The following CNTN5 variants were observed in gnomAD, a reference collection of about 807,000 sequenced individuals.
CNTN5 encodes contactin 5.
CNTN5 carries 77 observed loss-of-function variants against 129.1 expected under a neutral mutation model. The ratio of observed to expected loss-of-function variants is 0.60; its 90% CI spans 0.50 to 0.72. The LOEUF (loss-of-function observed/expected upper bound fraction) is 0.72, where lower values mean the gene tolerates loss of function less well. Ranked by LOEUF, CNTN5 falls within the 30% of genes least tolerant of loss-of-function variation. CNTN5 has a pLI of 0.00. For synonymous variants in CNTN5, 509 were observed against 465.6 expected (o/e 1.09, Z -1.20); for missense variants, 1,478 against 1,328.8 (o/e 1.11, Z -1.75).
rs74779608 is a variant in CNTN5, at chr11:99,170,222, A to T, written c.-210+148952A>T. Among the ~76,000 whole-genome samples the T allele has an allele frequency of 1.2e-3, 190 of 152,248 alleles. 6 individuals carry two copies. The East Asian group carries it at 0.036, about 29-fold the overall frequency. On this transcript the variant is annotated intron_variant, in intron 1 of 24. Coordinates refer to ENST00000524871, the MANE Select transcript of CNTN5 (RefSeq NM_014361.4). ...ACTGCTCTAAGTGTTTCAGTAACTC[A>T]CTTCATTCTGTCAGCAATCCTATGA...
Position 99,600,168 on chromosome 11 carries a change from T to G in CNTN5, c.55+43899T>G, listed in dbSNP as rs182436438. Reference sequence around the variant, plus strand: ...TGATGGACACCCTGAGTACCCTGATTTTTTAATCACTATGCATTTTATACC... The same window carrying G: ...TGATGGACACCCTGAGTACCCTGATGTTTTAATCACTATGCATTTTATACC... On this transcript the variant is annotated intron_variant, in intron 3 of 24. Transcript: ENST00000524871. Among the ~76,000 whole-genome samples, 455 of 152,254 alleles carry G rather than the reference T, an allele frequency of 3.0e-3. 2 individuals carry two copies. Among genetic ancestry groups the G allele is most frequent in the African/African-American group, 9.5e-3 (396 of 41,546 alleles).
chr11:99,473,903 C>T (rs957032460), intron 2 of CNTN5, among the ~76,000 whole-genome samples: 1 of 151,940 alleles, frequency 6.6e-6, no homozygotes, highest in African/African-American at 2.4e-5. Flanking sequence ...ATCAGCTTGC[C>T]ACACTGGCTA....
chr11:99,790,761 AT>A (rs1945712438), intron 3 of CNTN5, among the ~76,000 whole-genome samples: 1 of 152,118 alleles, frequency 6.6e-6, no homozygotes, highest in Non-Finnish European at 1.5e-5. Context: ...AGTTTTCACA[AT>A]GCTGAACTAA....
chr11:100,330,186 CT>C (rs1050464811), intron 21 of CNTN5, among the ~76,000 whole-genome samples: 3 of 152,266 alleles, frequency 2.0e-5, no homozygotes, highest in African/African-American at 7.2e-5. Context: ...GCAAAATGCA[CT>C]GGAAAATCTC....
chr11:99,638,260 G>GT, intron 3 of CNTN5, among the ~76,000 whole-genome samples: 1 of 152,068 alleles, frequency 6.6e-6, no homozygotes, highest in Non-Finnish European at 1.5e-5. Context: ...ACTAGCACGG[G>GT]AAAGACCAGC....
intron 1 of CNTN5, among the ~76,000 whole-genome samples, chr11:99,157,777 G>T (rs567707635): frequency 1.3e-5 from 2 of 152,034 alleles, no homozygotes; most frequent in Non-Finnish European, 2.9e-5. Flanking sequence ...CCTATTACCT[G>T]TTCTAAACAT....
At chr11:99,259,598 A>G (rs75059861) in intron 1 of CNTN5, among the ~76,000 whole-genome samples, 2,594 of 151,828 alleles carry the variant, frequency 0.017, 88 homozygotes, top group African/African-American at 0.06. Context: ...GAACTACAGT[A>G]ATTTTATTTG....
At chr11:99,821,563 C>T (rs180851024) in intron 4 of CNTN5, among the ~76,000 whole-genome samples, 15 of 151,744 alleles carry the variant, frequency 9.9e-5, no homozygotes, top group African/African-American at 3.1e-4. Flanking sequence ...GTTTATTATT[C>T]GATATAATGG....
At chr11:100,349,491 A>G (rs1189457432) in intron 23 of CNTN5, among the ~76,000 whole-genome samples, 2 of 151,820 alleles carry the variant, frequency 1.3e-5, no homozygotes, top group Non-Finnish European at 2.9e-5. Context: ...TTACTCCCCT[A>G]AAACACTAAA....
intron 21 of CNTN5, among the ~76,000 whole-genome samples, chr11:100,327,500 T>C (rs1363795672): frequency 6.6e-6 from 1 of 152,198 alleles, no homozygotes; most frequent in Non-Finnish European, 1.5e-5. Context: ...GACCAGCCCC[T>C]GCCCACGGAG....
At chr11:99,635,401 A>G (rs1403429314) in intron 3 of CNTN5, among the ~76,000 whole-genome samples, 1 of 152,134 alleles carries the variant, frequency 6.6e-6, no homozygotes, top group African/African-American at 2.4e-5. Flanking sequence ...TTAAAATTAG[A>G]GATTACATAT....
intron 3 of CNTN5, among the ~76,000 whole-genome samples, chr11:99,598,735 T>A (rs527773949): frequency 6.6e-6 from 1 of 152,118 alleles, no homozygotes; most frequent in African/African-American, 2.4e-5. Flanking sequence ...GTAGGTGATA[T>A]TTCACATCAT....
At chr11:99,364,439 G>A (rs1939319158) in intron 2 of CNTN5, among the ~76,000 whole-genome samples, 1 of 151,972 alleles carries the variant, frequency 6.6e-6, no homozygotes, top group South Asian at 2.1e-4. Flanking sequence ...TTTCATTTAA[G>A]CTTACCTCCT....
chr11:99,969,858 C>A (rs1951201265), intron 8 of CNTN5, among the ~76,000 whole-genome samples: 1 of 152,092 alleles, frequency 6.6e-6, no homozygotes, highest in Non-Finnish European at 1.5e-5. Context: ...GGAGGCTTAT[C>A]TTCTTAAATG....
rs113284874 is a variant in CNTN5 at position 99,803,381 on chromosome 11, A to G, written c.56-16163A>G. On this transcript the variant is annotated intron_variant, in intron 3 of 24. Coordinates refer to ENST00000524871, the MANE Select transcript of CNTN5 (RefSeq NM_014361.4). ...CTGTGATGAGGGACAGCATAATTCC[A>G]GTGCCTTTTCATAATTCTGACTGGA... 1.9e-3 allele frequency among the ~76,000 whole-genome samples: 296 copies of G among 152,276 alleles called. 1 individual carries two copies. Among genetic ancestry groups the G allele is most frequent in the African/African-American group, 7.0e-3 (290 of 41,560 alleles).
At chr11:99,761,939 T>C (rs557208097) in intron 3 of CNTN5, among the ~76,000 whole-genome samples, 1 of 109,184 alleles carries the variant, frequency 9.2e-6, no homozygotes, top group South Asian at 3.3e-4. Context: ...GTTTCCTGAC[T>C]TCTTAATGAT....
chr11:99,339,480 G>A (rs777941198), intron 2 of CNTN5, among the ~76,000 whole-genome samples: 2 of 151,996 alleles, frequency 1.3e-5, no homozygotes, highest in African/African-American at 4.8e-5. Context: ...GGGACATCAG[G>A]TGAAAATGTC....
Position 99,134,800 on chromosome 11 carries a change from CATA to C in CNTN5, c.-210+113539_-210+113541del, listed in dbSNP as rs532836833. On this transcript the variant is annotated intron_variant, in intron 1 of 24. Coordinates refer to ENST00000524871, the MANE Select transcript of CNTN5 (RefSeq NM_014361.4). ...ATATTGTGGAACAATGCACAGCCAA[CATA>C]ATAATAATTAGGATCAGATTTCTAA... is the stretch of plus-strand genomic sequence containing the variant. 1.8e-4 allele frequency among the ~76,000 whole-genome samples: 27 copies of C among 152,178 alleles called. 2 individuals are homozygous for C. In the South Asian group the frequency reaches 3.1e-3, roughly 18 times the overall value.
chr11:99,785,204 C>A (rs1945474678), intron 3 of CNTN5, among the ~76,000 whole-genome samples: 1 of 152,194 alleles, frequency 6.6e-6, no homozygotes, highest in African/African-American at 2.4e-5. Flanking sequence ...TAAATGTCTT[C>A]TTTTGAGAAA....
Sources: allele counts gnomAD v4.1 joint callset (sites outside exome capture counted in the v4.1 genomes callset), GRCh38; gene constraint gnomAD v4.1.1; transcripts MANE v1.5; gene names NCBI Gene and HGNC (gene_info 2026-07-23, HGNC 2026-07-21).